Variants in JMJD1C observed in about 807,000 individuals in gnomAD.
JMJD1C encodes jumonji domain-containing protein 1C.
In JMJD1C, 31 loss-of-function variants were observed where a neutral mutation model predicts 245.3. That is an observed-to-expected ratio of 0.13 (90% CI 0.09 to 0.17). The LOEUF (loss-of-function observed/expected upper bound fraction) is 0.17, where lower values mean the gene tolerates loss of function less well. JMJD1C is among the 10% of genes least tolerant of loss of function. JMJD1C has a pLI of 1.00. For missense variants in JMJD1C, 2,691 were observed against 3,000.2 expected (o/e 0.90, Z 2.41); for synonymous variants, 1,057 against 1,017.4 (o/e 1.04, Z -0.74).
chr10:63,408,488 A>C (rs535857792), intron 1 of JMJD1C, among the ~76,000 whole-genome samples: 1 of 152,062 alleles, frequency 6.6e-6, no homozygotes, highest in African/African-American at 2.4e-5. Context: ...AGATCCCACA[A>C]GTTTCTTTTA....
intron 3 of JMJD1C, among the ~76,000 whole-genome samples, chr10:63,254,620 A>T (rs1295052823): frequency 1.3e-5 from 2 of 152,118 alleles, no homozygotes; most frequent in East Asian, 3.8e-4. Context: ...AGCTCATTGC[A>T]GCCTTGACCT....
Position 63,471,257 on chromosome 10 carries a change from G to T in JMJD1C, n.113+50481C>A, listed in dbSNP as rs555777045. ...TATCCATGAAAGTTCATTAAGTAAA[G>T]GAGGTTCTAAACTTGTATTAAAACT... is the stretch of plus-strand genomic sequence containing the variant. On this transcript the variant is annotated intron_variant and non_coding_transcript_variant, in intron 1 of 3. Coordinates refer to the JMJD1C transcript ENST00000633035. 7.9e-5 allele frequency among the ~76,000 whole-genome samples: 12 copies of T among 152,250 alleles called. No homozygotes were observed. The East Asian group carries it at 2.3e-3, about 29-fold the overall frequency.
chr10:63,274,576 CAAA>C (rs2133848536), intron 2 of JMJD1C, among the ~76,000 whole-genome samples: 1 of 151,084 alleles, frequency 6.6e-6, no homozygotes, highest in Non-Finnish European at 1.5e-5. Context: ...AAAAAAAAAA[CAAA>C]AAAGTTTTTA....
chr10:63,291,613 C>CT (rs1176275832), intron 2 of JMJD1C, among the ~76,000 whole-genome samples: 2 of 43,454 alleles, frequency 4.6e-5, no homozygotes, highest in African/African-American at 1.3e-4. Flanking sequence ...GAAACTCCAT[C>CT]TAAAAAAAAA....
At chr10:63,343,546 C>T (rs61597034) in intron 2 of JMJD1C, among the ~76,000 whole-genome samples, 3,265 of 152,130 alleles carry the variant, frequency 0.021, 112 homozygotes, top group African/African-American at 0.073. Context: ...CCTTACATCG[C>T]TGCTTCTACT....
At chr10:63,171,697 AAATCAGAAACTC>A (rs139331540) in intron 24 of JMJD1C, among the ~76,000 whole-genome samples, 4,456 of 152,266 alleles carry the variant, frequency 0.029, 234 homozygotes, top group African/African-American at 0.1. Context: ...AGACCCATTG[AAATCAGAAACTC>A]TGGTGGTGGG....
chr10:63,490,422 A>AT (rs56942530), intron 1 of JMJD1C, among the ~76,000 whole-genome samples: 6 of 147,340 alleles, frequency 4.1e-5, no homozygotes, highest in African/African-American at 7.5e-5. Flanking sequence ...TATTTATTTT[A>AT]TTTTTTTTTT....
chr10:63,218,720 T>A (rs1445501075), intron 4 of JMJD1C, among the ~76,000 whole-genome samples: 4 of 152,096 alleles, frequency 2.6e-5, no homozygotes, highest in Non-Finnish European at 4.4e-5. Context: ...TATTATTTTT[T>A]AAAAATTTGC....
intron 1 of JMJD1C, among the ~76,000 whole-genome samples, chr10:63,515,927 T>A (rs1403561195): frequency 6.6e-6 from 1 of 152,244 alleles, no homozygotes; most frequent in Non-Finnish European, 1.5e-5. Flanking sequence ...ATATTGGTTT[T>A]GGAGGCACAG....
chr10:63,364,248 G>T (rs1289689781), intron 2 of JMJD1C, among the ~76,000 whole-genome samples: 1 of 151,844 alleles, frequency 6.6e-6, no homozygotes, highest in African/African-American at 2.4e-5. Context: ...GGCTCAAGCG[G>T]TTCTCCCACC....
At chr10:63,177,404 C>T in intron 23 of JMJD1C, 2 of 285,856 alleles carry the variant, frequency 7.0e-6, no homozygotes, top group Non-Finnish European at 1.3e-5. Context: ...TTTTTACATC[C>T]CGCGACTCCA....
intron 1 of JMJD1C, among the ~76,000 whole-genome samples, chr10:63,424,857 T>C (rs983085928): frequency 6.6e-6 from 1 of 152,146 alleles, no homozygotes; most frequent in African/African-American, 2.4e-5. Context: ...TAAGACCACA[T>C]TCAAATCTGC....
intron 1 of JMJD1C, among the ~76,000 whole-genome samples, chr10:63,398,522 T>C (rs970398903): frequency 2.4e-4 from 37 of 152,198 alleles, no homozygotes; most frequent in Non-Finnish European, 1.5e-5. Context: ...ACATATGTGT[T>C]GTCTGATTAT....
At chr10:63,449,429 C>G (rs1951904116) in intron 1 of JMJD1C, among the ~76,000 whole-genome samples, 1 of 152,082 alleles carries the variant, frequency 6.6e-6, no homozygotes, top group Admixed American at 6.6e-5. Context: ...CTTTATAACA[C>G]TTTTCATATA....
At chr10:63,405,137 TTC>T (rs1243643453) in intron 1 of JMJD1C, among the ~76,000 whole-genome samples, 1 of 152,150 alleles carries the variant, frequency 6.6e-6, no homozygotes, top group Non-Finnish European at 1.5e-5. Flanking sequence ...TGTATGTACA[TTC>T]TCTCACTTCA....
At chr10:63,441,086 G>A (rs376690374) in intron 1 of JMJD1C, among the ~76,000 whole-genome samples, 7 of 152,082 alleles carry the variant, frequency 4.6e-5, no homozygotes, top group African/African-American at 1.7e-4. Context: ...AAAGGCAAAG[G>A]GATTGTAGGA....
intron 1 of JMJD1C, among the ~76,000 whole-genome samples, chr10:63,486,400 G>A (rs1023178236): frequency 4.6e-5 from 7 of 152,222 alleles, no homozygotes; most frequent in African/African-American, 1.7e-4. Context: ...TAGACTAAAG[G>A]AAACTGAAGG....
chr10:63,424,844 T>C (rs1352311629), intron 1 of JMJD1C, among the ~76,000 whole-genome samples: 5 of 152,298 alleles, frequency 3.3e-5, no homozygotes, highest in Non-Finnish European at 4.4e-5. Context: ...ATTTGGGGTA[T>C]TATAAGACCA....
intron 1 of JMJD1C, among the ~76,000 whole-genome samples, chr10:63,384,843 T>C (rs886875745): frequency 6.6e-6 from 1 of 152,214 alleles, no homozygotes; most frequent in Non-Finnish European, 1.5e-5. Flanking sequence ...CTGTGTTTAC[T>C]GGAGTAGCAC....
Sources: allele counts gnomAD v4.1 joint callset (sites outside exome capture counted in the v4.1 genomes callset), GRCh38; gene constraint gnomAD v4.1.1; transcripts MANE v1.5; gene names NCBI Gene and HGNC (gene_info 2026-07-23, HGNC 2026-07-21).